The following COL25A1 variants were observed in gnomAD, a reference collection of about 807,000 sequenced individuals.
The protein encoded by COL25A1 is collagen alpha-1(XXV) chain.
A neutral mutation model predicts 128.4 loss-of-function variants in COL25A1; 103 were observed. That is an observed-to-expected ratio of 0.80 (90% confidence interval 0.68 to 0.94). The LOEUF is 0.94. Ranked by LOEUF, COL25A1 falls within the 40% of genes least tolerant of loss-of-function variation. The pLI, the probability that COL25A1 is intolerant of heterozygous loss-of-function variation, is 0.00. For missense variants in COL25A1, 745 were observed against 840.0 expected, an observed-to-expected ratio of 0.89 and a Z score of 1.40; for synonymous variants, 279 against 277.2, an observed-to-expected ratio of 1.01 and a Z score of -0.06.
chr4:109,102,643 T>A (rs1050195103), intron 3 of COL25A1, among the ~76,000 whole-genome samples: 3 of 152,170 alleles, frequency 2.0e-5, no homozygotes, highest in African/African-American at 7.2e-5. Context: ...CTCTTGTCAG[T>A]TCTGTTAATG....
At chr4:108,923,043 G>T (rs982797070) in intron 11 of COL25A1, among the ~76,000 whole-genome samples, 12 of 152,096 alleles carry the variant, frequency 7.9e-5, no homozygotes, top group African/African-American at 2.9e-4. Context: ...ACACGTGTGC[G>T]CATGCATGCA....
intron 11 of COL25A1, among the ~76,000 whole-genome samples, chr4:108,936,800 AAT>A (rs138668509): frequency 0.034 from 4,558 of 134,684 alleles, 222 homozygotes; most frequent in African/African-American, 0.11. Flanking sequence ...CTGTTTCTTA[AAT>A]ATATATATAT....
At chr4:108,887,068 T>C (rs1490107564) in intron 18 of COL25A1, among the ~76,000 whole-genome samples, 3 of 152,178 alleles carry the variant, frequency 2.0e-5, no homozygotes, top group African/African-American at 7.2e-5. Flanking sequence ...TACAAGCACA[T>C]ATATACACTC....
intron 3 of COL25A1, among the ~76,000 whole-genome samples, chr4:109,233,829 T>C (rs1018564918): frequency 3.3e-5 from 5 of 152,152 alleles, no homozygotes; most frequent in Non-Finnish European, 7.4e-5. Context: ...CCATACTTAA[T>C]ACTGCTTGAT....
intron 11 of COL25A1, among the ~76,000 whole-genome samples, chr4:108,934,496 TAA>T (rs962518017): frequency 6.6e-6 from 1 of 151,932 alleles, no homozygotes; most frequent in Non-Finnish European, 1.5e-5. Context: ...AAAATAATAA[TAA>T]AAGAGAAAAA....
intron 6 of COL25A1, among the ~76,000 whole-genome samples, chr4:108,999,285 C>T (rs1219344639): frequency 1.3e-5 from 2 of 151,712 alleles, no homozygotes; most frequent in Admixed American, 6.6e-5. Flanking sequence ...AACAAACAAC[C>T]CCATCAAAAA....
chr4:109,010,746 C>G (rs1756500898), intron 5 of COL25A1, among the ~76,000 whole-genome samples: 1 of 152,150 alleles, frequency 6.6e-6, no homozygotes, highest in Admixed American at 6.6e-5. Context: ...AAACTATGAG[C>G]TATTCAAAGC....
At chr4:108,991,098 G>A (rs1394169310) in intron 6 of COL25A1, among the ~76,000 whole-genome samples, 1 of 152,164 alleles carries the variant, frequency 6.6e-6, no homozygotes, top group African/African-American at 2.4e-5. Context: ...ATTGTATAAA[G>A]ATGCAGTAAT....
chr4:109,213,675 G>C (rs376753602), intron 3 of COL25A1, among the ~76,000 whole-genome samples: 1 of 152,152 alleles, frequency 6.6e-6, no homozygotes, highest in Non-Finnish European at 1.5e-5. Context: ...CACATGAAAC[G>C]AAGTCAAATC....
At chr4:108,900,128 G>C (rs1742667687) in intron 14 of COL25A1, among the ~76,000 whole-genome samples, 2 of 152,052 alleles carry the variant, frequency 1.3e-5, no homozygotes, top group Admixed American at 6.6e-5. Context: ...CTGACCCTTT[G>C]GCTTTCTGCA....
chr4:108,819,339 A>C lies in COL25A1; in HGVS notation c.1846-10T>G, dbSNP rs1731549276. The C allele has an allele frequency of 1.2e-6, 2 of 1,608,074 alleles. No homozygotes were observed. The highest frequency in any genetic ancestry group is 1.7e-6 in the Non-Finnish European group (2 of 1,176,250). On this transcript the variant is annotated splice_polypyrimidine_tract_variant and intron_variant, in intron 35 of 37. Coordinates refer to ENST00000399132, the MANE Select transcript of COL25A1 (RefSeq NM_198721.4). The stretch of plus-strand genomic sequence containing the variant: ...TAACGCCACGGAATCCCTGTTTGTA[A>C]AGATTAACTCATAATGTTACTAACA...
chr4:109,083,450 T>A (rs4457024), intron 3 of COL25A1, among the ~76,000 whole-genome samples: 4,521 of 35,122 alleles, frequency 0.13, 151 homozygotes, highest in East Asian at 0.21. Flanking sequence ...CTAAATAAAT[T>A]TTTTTTTTTT....
intron 3 of COL25A1, among the ~76,000 whole-genome samples, chr4:109,150,973 A>G (rs1336888998): frequency 1.3e-5 from 2 of 152,122 alleles, no homozygotes; most frequent in Non-Finnish European, 2.9e-5. Context: ...ATTTCTGTTT[A>G]CCGGACTTTT....
intron 16 of COL25A1, among the ~76,000 whole-genome samples, chr4:108,891,296 T>C (rs1185205141): frequency 3.3e-5 from 5 of 152,298 alleles, no homozygotes; most frequent in Admixed American, 6.5e-5. Context: ...ACATCTATAA[T>C]TGCTATTCCT....
At chr4:109,028,560 T>C (rs1439797281) in intron 5 of COL25A1, among the ~76,000 whole-genome samples, 4 of 152,030 alleles carry the variant, frequency 2.6e-5, no homozygotes, top group Non-Finnish European at 5.9e-5. Flanking sequence ...ACCTCATCTC[T>C]ACTAAAAATA....
In COL25A1 at chr4:108,838,068, G is replaced by A; in HGVS notation, c.1656+3627C>T. 3 of 1,449,560 alleles carry A rather than the reference G, an allele frequency of 2.1e-6. No individual in the cohort carries two copies. The South Asian group carries it at 3.7e-5, about 18-fold the overall frequency. 89.8% of individuals were successfully genotyped at this position (1,449,560 alleles called of 1,614,324 possible). A position where few individuals can be genotyped will look rare whatever the true frequency, so the allele number is the denominator to read the frequency against. On this transcript the variant is annotated intron_variant, in intron 31 of 37. Transcript: ENST00000399132. ...GGGTAGAAAGAAAAATCTGAGATTT[G>A]CACTAAAATGGAAAGTTTTCTTTAC... is the stretch of plus-strand genomic sequence containing the variant.
intron 6 of COL25A1, among the ~76,000 whole-genome samples, chr4:108,979,037 T>C (rs1325133685): frequency 6.6e-6 from 1 of 152,234 alleles, no homozygotes; most frequent in Admixed American, 6.5e-5. Context: ...TTTATTAGTG[T>C]TGTTAGTAAT....
intron 37 of COL25A1, among the ~76,000 whole-genome samples, chr4:108,814,987 GAGA>G (rs1417587849): frequency 1.3e-5 from 2 of 152,094 alleles, no homozygotes; most frequent in Non-Finnish European, 1.5e-5. Flanking sequence ...CTAATCTTCA[GAGA>G]AGGAGTTCAC....
At chr4:109,122,560 G>A (rs933715213) in intron 3 of COL25A1, among the ~76,000 whole-genome samples, 2 of 152,030 alleles carry the variant, frequency 1.3e-5, no homozygotes, top group Non-Finnish European at 2.9e-5. Flanking sequence ...CAAAGAAAGT[G>A]CTATAGGAAT....
Sources: gnomAD v4.1 joint callset for allele counts (sites outside exome capture counted in the v4.1 genomes callset) on GRCh38, gnomAD v4.1.1 for gene constraint, MANE v1.5 for transcripts, NCBI Gene and HGNC (gene_info 2026-07-23, HGNC 2026-07-21) for gene names.